The following MRTFB variants were observed in gnomAD, a reference collection of about 807,000 sequenced individuals.
MRTFB encodes the protein myocardin-related transcription factor B.
Under a neutral mutation model 104.2 loss-of-function variants are expected in MRTFB, and 29 were observed. That is an observed-to-expected ratio of 0.28 (90% confidence interval 0.21 to 0.38). MRTFB has a LOEUF of 0.38. Among genes scored for constraint, MRTFB ranks in the 10% least tolerant of loss-of-function variants. MRTFB has a pLI of 1.00. For missense variants in MRTFB, 1,270 were observed against 1,341.6 expected (o/e 0.95, Z 0.83); for synonymous variants, 535 against 519.5 (o/e 1.03, Z -0.41).
At chr16:14,146,401 A>G (rs1597068188) in intron 3 of MRTFB, among the ~76,000 whole-genome samples, 1 of 152,256 alleles carries the variant, frequency 6.6e-6, no homozygotes, top group Admixed American at 6.5e-5. Flanking sequence ...TTTTGAGCTT[A>G]TAGTCCTATC....
At chr16:14,208,682 T>TA (rs2041057445) in intron 3 of MRTFB, among the ~76,000 whole-genome samples, 1 of 152,252 alleles carries the variant, frequency 6.6e-6, no homozygotes, top group Non-Finnish European at 1.5e-5. Context: ...AGAAGAATGT[T>TA]AAAGTACGCA....
At chr16:14,235,624 T>A (rs771010257) in intron 9 of MRTFB, among the ~76,000 whole-genome samples, 2 of 152,172 alleles carry the variant, frequency 1.3e-5, no homozygotes, top group Non-Finnish European at 2.9e-5. Flanking sequence ...AGGAACACAT[T>A]AGGAAACAGA....
intron 2 of MRTFB, among the ~76,000 whole-genome samples, chr16:14,133,186 C>T (rs946998218): frequency 2.0e-5 from 3 of 152,290 alleles, no homozygotes; most frequent in African/African-American, 4.8e-5. Flanking sequence ...AAGACCAGCA[C>T]ATCTGTAAAG....
the MRTFB span, among the ~76,000 whole-genome samples, chr16:13,997,828 T>C: frequency 6.6e-6 from 1 of 151,388 alleles, no homozygotes; most frequent in East Asian, 1.9e-4. Context: ...TTCATTCATT[T>C]ATTCAACAAA....
the MRTFB span, among the ~76,000 whole-genome samples, chr16:14,036,217 T>A: frequency 3.2e-5 from 4 of 126,268 alleles, no homozygotes; most frequent in African/African-American, 1.2e-4. Context: ...TTATATAAAA[T>A]ATATATAATA....
intron 3 of MRTFB, chr16:14,141,138 A>G: frequency 5.6e-6 from 1 of 178,060 alleles, no homozygotes; most frequent in Non-Finnish European, 1.2e-5. Context: ...GGTGTGTTGC[A>G]CCGTAATTTC....
intron 3 of MRTFB, chr16:14,200,290 T>A: frequency 6.3e-7 from 1 of 1,588,160 alleles, no homozygotes; most frequent in Admixed American, 1.7e-5. Context: ...GATTCTGAGT[T>A]CCGACCCGGA....
chr16:14,217,370 G>A (rs2041472646), intron 7 of MRTFB, 83 bp downstream of exon 7: 2 of 1,196,114 alleles, frequency 1.7e-6, no homozygotes, highest in Admixed American at 2.4e-5. Context: ...TTAAAGGCTA[G>A]CACCGATCGT....
the MRTFB span, among the ~76,000 whole-genome samples, chr16:14,037,273 G>A: frequency 2.0e-5 from 3 of 152,198 alleles, no homozygotes; most frequent in East Asian, 5.8e-4. Flanking sequence ...TGAAGGACCT[G>A]GCATATTGCT....
chr16:14,251,529 T>C (rs754538596), intron 13 of MRTFB, among the ~76,000 whole-genome samples: 60 of 152,214 alleles, frequency 3.9e-4, no homozygotes, highest in Non-Finnish European at 1.5e-4. Context: ...AAAGGCAAGT[T>C]ACTGCGTAAA....
At position 14,247,435 on chromosome 16, in the gene MRTFB, G is replaced by C. The variant is rs1296147555; in HGVS notation, c.2175G>C (p.Leu725=). Reference sequence around the variant, plus strand: ...TACTGACCACGCAGACTGCTCAGCTGCTGCTCCCAGTGTCCATCCAGGGCT... The same window carrying C: ...TACTGACCACGCAGACTGCTCAGCTCCTGCTCCCAGTGTCCATCCAGGGCT... ...QALLTTQTAQ[L]LLPVSIQGSS... Residue 725 remains leucine, a synonymous_variant, in exon 12 of 17, where the codon CTG becomes CTC. Transcript: ENST00000571589. 1.9e-6 allele frequency: 3 copies of C among 1,606,824 alleles called. No homozygotes were observed. The highest frequency in any genetic ancestry group is 3.3e-5 in the Admixed American group (2 of 59,746).
At chr16:14,170,442 T>C (rs1313559970) in intron 3 of MRTFB, 1 of 152,182 alleles carries the variant, frequency 6.6e-6, no homozygotes, top group African/African-American at 2.4e-5. Context: ...ACTTCTGAAA[T>C]AAAATTACTT....
chr16:14,117,418 G>A (rs911163852), intron 2 of MRTFB, among the ~76,000 whole-genome samples: 2 of 152,070 alleles, frequency 1.3e-5, no homozygotes, highest in South Asian at 4.2e-4. Flanking sequence ...CCTAATACAT[G>A]GTCCCATAGC....
chr16:14,231,523 C>T (rs981265461), intron 8 of MRTFB, among the ~76,000 whole-genome samples: 10 of 152,008 alleles, frequency 6.6e-5, no homozygotes, highest in Non-Finnish European at 1.5e-4. Context: ...TTTTTCTGCT[C>T]CTCTCCCTCT....
At chr16:14,036,492 A>G in the MRTFB span, among the ~76,000 whole-genome samples, 5 of 148,244 alleles carry the variant, frequency 3.4e-5, no homozygotes, top group Admixed American at 3.4e-4. Context: ...TCCATCATAT[A>G]TATGTTGAAA....
At chr16:14,200,319 G>C (rs566792680) in intron 3 of MRTFB, 670 of 1,606,666 alleles carry the variant, frequency 4.2e-4, no homozygotes, top group Middle Eastern at 2.5e-3. Context: ...CTGCTGCGCT[G>C]ACGTGGCTCC....
intron 8 of MRTFB, among the ~76,000 whole-genome samples, chr16:14,227,631 C>A (rs1315586463): frequency 1.3e-5 from 2 of 152,136 alleles, no homozygotes; most frequent in Non-Finnish European, 2.9e-5. Flanking sequence ...CCTGCCTCAG[C>A]TTCCTGAGTA....
At chr16:14,186,966 G>T (rs751374398) in intron 3 of MRTFB, 1 of 1,598,184 alleles carries the variant, frequency 6.3e-7, no homozygotes, top group Middle Eastern at 1.7e-4. Flanking sequence ...GATTTTAACT[G>T]CTGGGGATTT....
intron 2 of MRTFB, among the ~76,000 whole-genome samples, chr16:14,114,993 C>T (rs569904443): frequency 6.6e-6 from 1 of 152,268 alleles, no homozygotes; most frequent in African/African-American, 2.4e-5. Context: ...GAGAGTGAGT[C>T]CTAGGTTATT....
Sources: allele counts gnomAD v4.1 joint callset (sites outside exome capture counted in the v4.1 genomes callset), GRCh38; gene constraint gnomAD v4.1.1; transcripts MANE v1.5; gene names NCBI Gene and HGNC (gene_info 2026-07-23, HGNC 2026-07-21).